ABCC12: variants seen among roughly 807,000 people sequenced by gnomAD.
ABCC12 encodes the protein ATP binding cassette subfamily C member 12, also known as ATP-binding cassette sub-family C member 12.
In ABCC12, 142 loss-of-function variants were observed where a neutral mutation model predicts 151.1. The ratio of observed to expected loss-of-function variants is 0.94; its 90% CI spans 0.82 to 1.08. The LOEUF (loss-of-function observed/expected upper bound fraction) is 1.08. Ranked by LOEUF, ABCC12 falls within the 50% of genes least tolerant of loss-of-function variation. The pLI, the probability that ABCC12 is intolerant of heterozygous loss-of-function variation, is 0.00. For missense variants in ABCC12, 1,638 were observed against 1,691.1 expected (o/e 0.97, Z 0.55); for synonymous variants, 645 against 646.4 (o/e 1.00, Z 0.03).
intron 18 of ABCC12, among the ~76,000 whole-genome samples, chr16:48,110,666 C>T (rs1963653975): frequency 6.6e-6 from 1 of 152,074 alleles, no homozygotes; most frequent in Admixed American, 6.6e-5. Flanking sequence ...AACCTCAAGC[C>T]CTCTACCCTC....
At chr16:48,131,182 A>T (rs1002297046) in intron 9 of ABCC12, among the ~76,000 whole-genome samples, 1 of 152,242 alleles carries the variant, frequency 6.6e-6, no homozygotes, top group African/African-American at 2.4e-5. Context: ...GGCCACTAAC[A>T]GAATACATTT....
chr16:48,147,354 A>G (rs1228244642), intron 2 of ABCC12, among the ~76,000 whole-genome samples: 2 of 152,132 alleles, frequency 1.3e-5, no homozygotes, highest in Non-Finnish European at 2.9e-5. Context: ...CCCATACCCT[A>G]TAGATAAATT....
At chr16:48,129,717 T>C (rs947033942) in intron 10 of ABCC12, among the ~76,000 whole-genome samples, 2 of 152,134 alleles carry the variant, frequency 1.3e-5, no homozygotes, top group African/African-American at 2.4e-5. Context: ...GGTTAGTTCA[T>C]AAATCACTGC....
At chr16:48,101,054 C>T (rs2150600327) in intron 22 of ABCC12, 45 bp from the exon 23 acceptor site, 1 of 1,601,554 alleles carries the variant, frequency 6.2e-7, no homozygotes, top group African/African-American at 1.3e-5. Context: ...AAAGTGAGGT[C>T]TCATCAGGCT....
At chr16:48,109,418 A>G (rs1226116211) in intron 18 of ABCC12, among the ~76,000 whole-genome samples, 3 of 152,238 alleles carry the variant, frequency 2.0e-5, no homozygotes, top group Non-Finnish European at 2.9e-5. Context: ...CCTAGCAGCC[A>G]GTACTGAATG....
rs114533616 is a variant in ABCC12, at chr16:48,113,815, C to T, written c.1989+1600G>A. On this transcript the variant is annotated intron_variant, in intron 15 of 30. Transcript: ENST00000311303. The stretch of plus-strand genomic sequence containing the variant: ...CTGCGGCTCAGTCAGTTTCAAAGAC[C>T]GAACCAGGACCAAGGTTATGATTCC... Among the ~76,000 whole-genome samples, 751 of 152,274 alleles carry T rather than the reference C, an allele frequency of 4.9e-3. 4 individuals are homozygous for T. The highest frequency in any genetic ancestry group is 0.017 in the African/African-American group (695 of 41,536).
chr16:48,139,009 A>C (rs1169672066), intron 7 of ABCC12, among the ~76,000 whole-genome samples, 154 bp downstream of exon 7: 1 of 152,148 alleles, frequency 6.6e-6, no homozygotes, highest in Non-Finnish European at 1.5e-5. Flanking sequence ...ACAAACAAAC[A>C]AAAAACCACT....
chr16:48,128,655 G>C lies in ABCC12; in HGVS notation c.1319C>G (p.Thr440Ser), dbSNP rs768282698. The change falls in exon 11 of 31, where the codon ACC becomes AGC. Residue 440 changes from threonine (T) to serine (S), a missense_variant. Coordinates refer to ENST00000311303, the MANE Select transcript of ABCC12 (RefSeq NM_001393797.1). ...GCTGGCTTCATGCTCCCATGTCAAGGTGGCATTTGCTAAAAGCAAGACAGT... is the reference window on the plus strand; with the variant it reads ...GCTGGCTTCATGCTCCCATGTCAAGCTGGCATTTGCTAAAAGCAAGACAGT... Reference protein sequence around the residue: ...PDTVLLLANATLTWEHEASRK... With the variant: ...PDTVLLLANASLTWEHEASRK... The C allele has an allele frequency of 2.5e-6, 4 of 1,614,188 alleles. No homozygotes were observed. Among genetic ancestry groups the C allele is most frequent in the Non-Finnish European group, 3.4e-6 (4 of 1,180,040 alleles).
At chr16:48,106,557 C>T (rs778205496) in intron 20 of ABCC12, among the ~76,000 whole-genome samples, 11 of 152,188 alleles carry the variant, frequency 7.2e-5, no homozygotes, top group African/African-American at 1.4e-4. Flanking sequence ...GAGAATCTGT[C>T]TATTCCAGAG....
chr16:48,111,782 C>A lies in ABCC12; in HGVS notation c.2118G>T (p.Gln706His). The A allele has an allele frequency of 6.2e-7, 1 of 1,614,156 alleles. No individual in the cohort carries two copies. Among genetic ancestry groups the A allele is most frequent in the Non-Finnish European group, 8.5e-7 (1 of 1,180,016 alleles). ...AKLIHNLRGL[Q>H]FKDPEHLYNA... is the part of the protein sequence containing the mutation. ...CTGCCCAGGTGTGAGTTACCTTGAA[C>A]TGCAATCCTCGCAGGTTGTGAATCA... is the stretch of plus-strand genomic sequence containing the variant. Residue 706 changes from glutamine to histidine, a missense_variant, in exon 16 of 31, where the codon CAG becomes CAT. Coordinates refer to ENST00000311303, the MANE Select transcript of ABCC12 (RefSeq NM_001393797.1).
At chr16:48,129,624 G>A (rs7184973) in intron 10 of ABCC12, among the ~76,000 whole-genome samples, 3,247 of 152,222 alleles carry the variant, frequency 0.021, 117 homozygotes, top group African/African-American at 0.074. Flanking sequence ...CTGAGAATAA[G>A]TATTGGTAAT....
chr16:48,083,461 G>A lies in ABCC12; in HGVS notation c.*254C>T, dbSNP rs1962433920. 4.4e-6 allele frequency: 2 copies of A among 452,296 alleles called. No individual in the cohort carries two copies. Among genetic ancestry groups the A allele is most frequent in the Non-Finnish European group, 7.7e-6 (2 of 259,326 alleles). The allele number at this position is 452,296 out of a possible 1,614,324, so 28.0% of individuals were successfully genotyped here. A position where few individuals can be genotyped will look rare whatever the true frequency, so the allele number is the denominator to read the frequency against. On this transcript the variant is annotated 3_prime_UTR_variant, in exon 31 of 31. Transcript: ENST00000311303. ...ACATGAGGAACCCTTGGGGATTTGG[G>A]AGGTGAAGGGCAGTTTTTTAATCCA...
chr16:48,095,858 T>C (rs1005490599), intron 24 of ABCC12, among the ~76,000 whole-genome samples: 3 of 152,202 alleles, frequency 2.0e-5, no homozygotes, highest in African/African-American at 7.2e-5. Context: ...AGATACATTA[T>C]CCCAGAGTTT....
chr16:48,141,280 T>TC lies in ABCC12; in HGVS notation c.348dup (p.Lys117GlufsTer37), dbSNP rs1211260792. 1 of 1,614,214 alleles carries TC rather than the reference T, an allele frequency of 6.2e-7. No individual in the cohort carries two copies. Among genetic ancestry groups the TC allele is most frequent in the East Asian group, 2.2e-5 (1 of 44,884 alleles). On this transcript the variant is annotated frameshift_variant, in exon 5 of 31. Transcript: ENST00000311303. LOFTEE classifies it high-confidence loss of function. ...ATCAACACGCGTGTCCTCTGGAATT[T>TC]CCACACCACGTGGCTCAGAGAGGCC...
In ABCC12 at chr16:48,128,724, T is replaced by C; in HGVS notation, c.1250A>G (p.Asp417Gly). The C allele has an allele frequency of 6.2e-7, 1 of 1,612,518 alleles. No homozygotes were observed. Among genetic ancestry groups the C allele is most frequent in the Non-Finnish European group, 8.5e-7 (1 of 1,179,622 alleles). Residue 417 changes from aspartate (D) to glycine (G), a missense_variant, in exon 11 of 31, where the codon GAT becomes GGT. Coordinates refer to ENST00000311303, the MANE Select transcript of ABCC12 (RefSeq NM_001393797.1). ...GGTGATGTAAGATGGGGGGCTTTTA[T>C]CTATGAGAATTTTCTAAGATTAAAG... ...SLRRMKKILIDKSPPSYITQP... is the reference protein window; with the variant it reads ...SLRRMKKILIGKSPPSYITQP...
rs186255962 is a variant in ABCC12 at position 48,082,514 on chromosome 16, T to G, written c.*1201A>C. Among the ~76,000 whole-genome samples the G allele has an allele frequency of 2.6e-5, 4 of 152,344 alleles. No individual in the cohort carries two copies. Among genetic ancestry groups the G allele is most frequent in the Admixed American group, 6.5e-5 (1 of 15,310 alleles). ...GTGTTTCAGCGAGTTCATTAGATGC[T>G]GTCATTCATGGCTGCCACAAGTGTT... On this transcript the variant is annotated 3_prime_UTR_variant, in exon 31 of 31. Transcript: ENST00000311303.
chr16:48,083,816 A>G lies in ABCC12; in HGVS notation c.3994-15T>C, dbSNP rs746404997. 7.4e-6 allele frequency: 12 copies of G among 1,614,092 alleles called. No homozygotes were observed. The highest frequency in any genetic ancestry group is 6.8e-6 in the Non-Finnish European group (8 of 1,180,016). Reference sequence around the variant, plus strand: ...AACTCAATCACCTGAAAGTCAGAGAAGAAGAACTGAAATCATCGGAAAATA... The same window carrying G: ...AACTCAATCACCTGAAAGTCAGAGAGGAAGAACTGAAATCATCGGAAAATA... On this transcript the variant is annotated splice_polypyrimidine_tract_variant and intron_variant, in intron 30 of 30. Transcript: ENST00000311303.
At chr16:48,125,261 C>T (rs1180437331) in intron 11 of ABCC12, among the ~76,000 whole-genome samples, 2 of 152,206 alleles carry the variant, frequency 1.3e-5, no homozygotes, top group African/African-American at 4.8e-5. Context: ...GAACTCAACC[C>T]TGCAGGGAAA....
At position 48,091,404 on chromosome 16, in the gene ABCC12, C is replaced by T. The variant is rs138575218; in HGVS notation, c.3196-195G>A. On this transcript the variant is annotated intron_variant, in intron 24 of 30. Transcript: ENST00000311303. Reference sequence around the variant, plus strand: ...TGTTCGGGTGTTTTGCCTTTAAACACTTCCTTTGTATTTAGAAACAAATGG... The same window carrying T: ...TGTTCGGGTGTTTTGCCTTTAAACATTTCCTTTGTATTTAGAAACAAATGG... Among the ~76,000 whole-genome samples, 91 of 152,350 alleles carry T rather than the reference C, an allele frequency of 6.0e-4. 2 individuals carry two copies. The East Asian group carries it at 0.015, about 26-fold the overall frequency.
Sources: gnomAD v4.1 joint callset for allele counts (sites outside exome capture counted in the v4.1 genomes callset) on GRCh38, gnomAD v4.1.1 for gene constraint, MANE v1.5 for transcripts, NCBI Gene and HGNC (gene_info 2026-07-23, HGNC 2026-07-21) for gene names.